Variants in CTNND2 observed in about 807,000 individuals in gnomAD.
CTNND2 encodes the protein catenin delta-2.
In CTNND2, 22 loss-of-function variants were observed where a neutral mutation model predicts 144.4. The observed-to-expected ratio is 0.15, with a 90% CI of 0.11 to 0.22. CTNND2 has a LOEUF of 0.22. Ranked by LOEUF, CTNND2 falls within the 10% of genes least tolerant of loss-of-function variation. The probability of loss-of-function intolerance (pLI) is 1.00; values close to 1 mark genes in which losing one functional copy is unlikely to be tolerated. For synonymous variants in CTNND2, 751 were observed against 695.6 expected (o/e 1.08, Z -1.25); for missense variants, 1,353 against 1,618.8 (o/e 0.84, Z 2.82).
Position 10,981,769 on chromosome 5 carries a change from T to C in CTNND2, c.3417+4A>G. On this transcript the variant is annotated splice_donor_region_variant and intron_variant, in intron 21 of 21. Coordinates refer to ENST00000304623, the MANE Select transcript of CTNND2 (RefSeq NM_001332.4). The stretch of plus-strand genomic sequence containing the variant: ...GAAATACAAACGTGTTGCATTTACT[T>C]TACCTGGTTGTGTTTGATGTCTTCA... The C allele has an allele frequency of 6.2e-7, 1 of 1,611,710 alleles. No homozygotes were observed. Among genetic ancestry groups the C allele is most frequent in the South Asian group, 1.1e-5 (1 of 90,674 alleles).
intron 9 of CTNND2, among the ~76,000 whole-genome samples, chr5:11,242,463 A>C (rs1411149625): frequency 2.0e-5 from 3 of 152,232 alleles, no homozygotes; most frequent in Non-Finnish European, 4.4e-5. Flanking sequence ...ACAATGTCTA[A>C]AGAATAAATA....
chr5:11,312,164 ACACCG>A (rs1751031601), intron 9 of CTNND2, among the ~76,000 whole-genome samples: 5 of 122,784 alleles, frequency 4.1e-5, no homozygotes, highest in Admixed American at 8.3e-5. Flanking sequence ...CACTCCCCAT[ACACCG>A]TCATCCCCCA....
chr5:11,642,966 G>A (rs929939905), intron 2 of CTNND2, among the ~76,000 whole-genome samples: 5 of 152,200 alleles, frequency 3.3e-5, no homozygotes, highest in African/African-American at 4.8e-5. Flanking sequence ...AGTCTGTAGC[G>A]GTCCAGAATT....
At chr5:11,298,206 C>T (rs1749217494) in intron 9 of CTNND2, among the ~76,000 whole-genome samples, 1 of 152,168 alleles carries the variant, frequency 6.6e-6, no homozygotes, top group Admixed American at 6.5e-5. Context: ...GAGACAGGGT[C>T]TTGCTCTGTC....
chr5:11,566,865 C>CAG (rs1777150764), intron 2 of CTNND2, among the ~76,000 whole-genome samples: 2 of 152,154 alleles, frequency 1.3e-5, no homozygotes, highest in African/African-American at 4.8e-5. Flanking sequence ...AGCACGCAGT[C>CAG]AGATTTTCCA....
At chr5:11,262,761 CAAAAAAAAA>C (rs11289676) in intron 9 of CTNND2, among the ~76,000 whole-genome samples, 17 of 45,692 alleles carry the variant, frequency 3.7e-4, no homozygotes, top group Admixed American at 1.9e-3. Context: ...GACTCTGTCT[CAAAAAAAAA>C]AAAAAAAAAA....
chr5:11,884,208 T>C (rs1025813162), intron 1 of CTNND2, among the ~76,000 whole-genome samples: 1 of 152,208 alleles, frequency 6.6e-6, no homozygotes, highest in African/African-American at 2.4e-5. Flanking sequence ...ATTTTGGCTT[T>C]TGTTGGCATT....
chr5:11,559,731 T>C (rs1468172568), intron 3 of CTNND2, among the ~76,000 whole-genome samples: 1 of 152,208 alleles, frequency 6.6e-6, no homozygotes, highest in Non-Finnish European at 1.5e-5. Flanking sequence ...CTTGCTGTTG[T>C]CACCATCTTT....
At chr5:11,841,888 T>C (rs1412322963) in intron 1 of CTNND2, among the ~76,000 whole-genome samples, 2 of 151,554 alleles carry the variant, frequency 1.3e-5, no homozygotes, top group East Asian at 1.9e-4. Flanking sequence ...GAACCAACAG[T>C]ATCAATCAAT....
chr5:11,006,416 C>G (rs964650339), intron 18 of CTNND2, among the ~76,000 whole-genome samples: 1 of 152,216 alleles, frequency 6.6e-6, no homozygotes, highest in African/African-American at 2.4e-5. Context: ...GCGGCCCTTA[C>G]GGCGTGCCAG....
At chr5:11,165,239 A>G (rs1399432038) in intron 11 of CTNND2, among the ~76,000 whole-genome samples, 1 of 152,238 alleles carries the variant, frequency 6.6e-6, no homozygotes, top group Non-Finnish European at 1.5e-5. Context: ...AGAAAAATTT[A>G]TAGCACTGAA....
intron 9 of CTNND2, among the ~76,000 whole-genome samples, chr5:11,338,259 A>C (rs141334967): frequency 1.6e-4 from 24 of 152,278 alleles, no homozygotes; most frequent in African/African-American, 5.8e-4. Flanking sequence ...TTTGCCCCCA[A>C]GTGATGTAGG....
chr5:11,486,391 T>C (rs572736272), intron 3 of CTNND2, among the ~76,000 whole-genome samples: 28 of 152,216 alleles, frequency 1.8e-4, no homozygotes, highest in Non-Finnish European at 3.7e-4. Flanking sequence ...CTAATCTGCA[T>C]GGGGCCTGGA....
chr5:11,741,553 A>G (rs1160811731), intron 1 of CTNND2, among the ~76,000 whole-genome samples: 1 of 151,416 alleles, frequency 6.6e-6, no homozygotes, highest in Admixed American at 6.6e-5. Flanking sequence ...GAACATCAAC[A>G]CACTGGGGCC....
At chr5:11,771,493 C>T (rs1789933784) in intron 1 of CTNND2, among the ~76,000 whole-genome samples, 2 of 152,048 alleles carry the variant, frequency 1.3e-5, no homozygotes, top group Non-Finnish European at 2.9e-5. Context: ...TACTTAAAAA[C>T]ACTACCATTT....
rs1192887357 is a variant in CTNND2 at position 11,236,671 on chromosome 5, A to G, written c.1761+20T>C. On this transcript the variant is annotated intron_variant, in intron 10 of 21. Transcript: ENST00000304623. Reference sequence around the variant, plus strand: ...TTATGAATCTGACACCAATCATTTCAGAATCCAAGGAGCACTGACCTCGGC... The same window carrying G: ...TTATGAATCTGACACCAATCATTTCGGAATCCAAGGAGCACTGACCTCGGC... 4 of 1,612,860 alleles carry G rather than the reference A, an allele frequency of 2.5e-6. No homozygotes were observed. The highest frequency in any genetic ancestry group is 3.4e-6 in the Non-Finnish European group (4 of 1,179,450).
intron 1 of CTNND2, among the ~76,000 whole-genome samples, chr5:11,810,269 G>A (rs61761642): frequency 8.5e-5 from 13 of 152,146 alleles, no homozygotes; most frequent in East Asian, 1.9e-4. Flanking sequence ...AGATTATGAC[G>A]TAAGCTTTAA....
At chr5:10,996,975 G>A (rs1250052669) in intron 18 of CTNND2, among the ~76,000 whole-genome samples, 1 of 152,138 alleles carries the variant, frequency 6.6e-6, no homozygotes, top group Non-Finnish European at 1.5e-5. Context: ...AATATATGGG[G>A]GATAACTGGC....
At chr5:11,380,658 G>A (rs1456174134) in intron 7 of CTNND2, among the ~76,000 whole-genome samples, 10 of 152,170 alleles carry the variant, frequency 6.6e-5, no homozygotes, top group Admixed American at 6.5e-4. Flanking sequence ...GTTACACTCT[G>A]TAGGTTGAAT....
Sources: allele counts gnomAD v4.1 joint callset (sites outside exome capture counted in the v4.1 genomes callset), GRCh38; gene constraint gnomAD v4.1.1; transcripts MANE v1.5; gene names NCBI Gene and HGNC (gene_info 2026-07-23, HGNC 2026-07-21).